ENTREP2: variants seen among roughly 807,000 people sequenced by gnomAD.
ENTREP2 encodes the protein endosomal transmembrane epsin interactor 2, also known as protein ENTREP2.
chr15:29,260,437 A>G, the ENTREP2 span, among the ~76,000 whole-genome samples: 3 of 152,222 alleles, frequency 2.0e-5, no homozygotes, highest in African/African-American at 7.2e-5. Context: ...AGGAAATTGG[A>G]TTCTACTCCG....
the ENTREP2 span, among the ~76,000 whole-genome samples, chr15:29,402,251 A>ACTATATATATATATATAT: frequency 8.9e-6 from 1 of 111,824 alleles, no homozygotes; most frequent in Non-Finnish European, 2.0e-5. Flanking sequence ...ATTATAGAAG[A>ACTATATATATATATATAT]ATATATATAT....
chr15:29,459,464 T>C, the ENTREP2 span, among the ~76,000 whole-genome samples: 1 of 152,180 alleles, frequency 6.6e-6, no homozygotes, highest in Admixed American at 6.5e-5. Flanking sequence ...ATAGATTATT[T>C]CTCACCCTTA....
chr15:29,630,200 C>CT, the ENTREP2 span, among the ~76,000 whole-genome samples: 1 of 152,072 alleles, frequency 6.6e-6, no homozygotes, highest in Non-Finnish European at 1.5e-5. Context: ...CTGCGAATGT[C>CT]TTTATCCTTC....
chr15:29,319,448 A>G, the ENTREP2 span, among the ~76,000 whole-genome samples: 1 of 152,224 alleles, frequency 6.6e-6, no homozygotes. Flanking sequence ...TGCTGCCATC[A>G]GTCCAATGGC....
chr15:29,160,465 A>G, the ENTREP2 span, among the ~76,000 whole-genome samples: 1 of 152,172 alleles, frequency 6.6e-6, no homozygotes, highest in Middle Eastern at 3.4e-3. Context: ...TAATCTCAGC[A>G]CTTTTGGAGG....
chr15:29,231,953 A>C, the ENTREP2 span, among the ~76,000 whole-genome samples: 2 of 142,858 alleles, frequency 1.4e-5, no homozygotes, highest in African/African-American at 5.1e-5. Context: ...TGAGTGGCGC[A>C]ATCTTGGCTC....
chr15:29,163,150 A>T, the ENTREP2 span, among the ~76,000 whole-genome samples: 2 of 152,206 alleles, frequency 1.3e-5, no homozygotes, highest in Admixed American at 6.5e-5. Flanking sequence ...GGGACAAAAG[A>T]ATCTGAACAA....
At chr15:29,270,320 T>G in the ENTREP2 span, among the ~76,000 whole-genome samples, 1 of 152,228 alleles carries the variant, frequency 6.6e-6, no homozygotes, top group Non-Finnish European at 1.5e-5. Flanking sequence ...AAAACCAAAG[T>G]CGGCTGCAGG....
the ENTREP2 span, among the ~76,000 whole-genome samples, chr15:29,132,843 C>T: frequency 6.6e-6 from 1 of 152,118 alleles, no homozygotes; most frequent in Admixed American, 6.5e-5. Context: ...TTCCTGTCGT[C>T]AGGAGGCAGA....
At chr15:29,160,652 T>A in the ENTREP2 span, among the ~76,000 whole-genome samples, 1 of 132,510 alleles carries the variant, frequency 7.5e-6, no homozygotes, top group Admixed American at 9.5e-5. Context: ...GAGGTTGCAG[T>A]GAGCCAAGAT....
the ENTREP2 span, among the ~76,000 whole-genome samples, chr15:29,435,592 C>T: frequency 1.3e-5 from 2 of 151,996 alleles, no homozygotes; most frequent in African/African-American, 2.4e-5. Flanking sequence ...TCTAATCAAA[C>T]TCTGTGGGAG....
the ENTREP2 span, among the ~76,000 whole-genome samples, chr15:29,618,709 G>A: frequency 6.6e-6 from 1 of 151,400 alleles, no homozygotes; most frequent in African/African-American, 2.4e-5. Context: ...GGTCCCCAGA[G>A]GCTGCCCTGA....
At chr15:29,374,268 C>T in the ENTREP2 span, 2 of 152,004 alleles carry the variant, frequency 1.3e-5, no homozygotes, top group Non-Finnish European at 2.9e-5. Flanking sequence ...TCTTTGTTTC[C>T]TTTTTCCTGT....
the ENTREP2 span, among the ~76,000 whole-genome samples, chr15:29,629,949 T>G: frequency 1.3e-5 from 2 of 151,950 alleles, no homozygotes; most frequent in Non-Finnish European, 2.9e-5. Context: ...AAACCCCATC[T>G]CTACTAAAAA....
At chr15:29,353,428 T>C in the ENTREP2 span, among the ~76,000 whole-genome samples, 3 of 152,212 alleles carry the variant, frequency 2.0e-5, no homozygotes, top group African/African-American at 4.8e-5. Flanking sequence ...TATGAATGTA[T>C]GCACTTAGGT....
the ENTREP2 span, among the ~76,000 whole-genome samples, chr15:29,342,387 A>G: frequency 2.0e-5 from 3 of 152,228 alleles, no homozygotes; most frequent in South Asian, 2.1e-4. Context: ...CATGCCAGAG[A>G]TAAGTGCTTC....
At chr15:29,200,299 C>T in the ENTREP2 span, among the ~76,000 whole-genome samples, 2 of 152,244 alleles carry the variant, frequency 1.3e-5, no homozygotes, top group South Asian at 4.2e-4. Flanking sequence ...GCTCAGCCTC[C>T]CAGATAGTTG....
At chr15:29,529,057 G>A in the ENTREP2 span, among the ~76,000 whole-genome samples, 1 of 150,626 alleles carries the variant, frequency 6.6e-6, no homozygotes, top group African/African-American at 2.5e-5. Context: ...CTAGTCCAGA[G>A]ATAGGACCAT....
At chr15:29,227,000 G>A in the ENTREP2 span, among the ~76,000 whole-genome samples, 649 of 152,334 alleles carry the variant, frequency 4.3e-3, 2 homozygotes, top group African/African-American at 0.015. Flanking sequence ...AGAGAGAGCA[G>A]CGTCTGCTGT....
Sources: gnomAD v4.1 joint callset for allele counts (sites outside exome capture counted in the v4.1 genomes callset) on GRCh38, gnomAD v4.1.1 for gene constraint, MANE v1.5 for transcripts, NCBI Gene and HGNC (gene_info 2026-07-23, HGNC 2026-07-21) for gene names.